The following KHDRBS2 variants were observed in gnomAD, a reference collection of about 807,000 sequenced individuals.
The protein encoded by KHDRBS2 is KH RNA binding domain containing, signal transduction associated 2, also known as KH domain-containing, RNA-binding, signal transduction-associated protein 2.
A neutral mutation model predicts 44.3 loss-of-function variants in KHDRBS2; 26 were observed. The observed-to-expected ratio is 0.59, with a 90% confidence interval of 0.43 to 0.81. The LOEUF (loss-of-function observed/expected upper bound fraction) is 0.81, where lower values mean the gene tolerates loss of function less well. Ranked by LOEUF, KHDRBS2 falls within the 40% of genes least tolerant of loss-of-function variation. The pLI is 0.00. For missense variants in KHDRBS2, 476 were observed against 433.1 expected, an observed-to-expected ratio of 1.10 and a Z score of -0.88; for synonymous variants, 194 against 151.1, an observed-to-expected ratio of 1.28 and a Z score of -2.08.
intron 8 of KHDRBS2, among the ~76,000 whole-genome samples, chr6:61,690,232 A>T (rs1383115068): frequency 6.6e-6 from 1 of 151,908 alleles, no homozygotes; most frequent in East Asian, 1.9e-4. Context: ...AAGTGGGCAA[A>T]ATTTTTCACC....
chr6:61,631,115 T>G, the KHDRBS2 span, among the ~76,000 whole-genome samples: 2 of 151,756 alleles, frequency 1.3e-5, no homozygotes, highest in Non-Finnish European at 2.9e-5. Context: ...AGAAGAGACA[T>G]ATCACTAAGT....
the KHDRBS2 span, among the ~76,000 whole-genome samples, chr6:61,596,477 C>T: frequency 6.6e-6 from 1 of 152,078 alleles, no homozygotes; most frequent in South Asian, 2.1e-4. Flanking sequence ...AGTCCTATAG[C>T]TACTCAGACA....
chr6:61,911,920 ATTC>A (rs1806126207), intron 4 of KHDRBS2, among the ~76,000 whole-genome samples: 1 of 152,068 alleles, frequency 6.6e-6, no homozygotes, highest in South Asian at 2.1e-4. Context: ...TATTCATACT[ATTC>A]TTTCCGAATA....
intron 5 of KHDRBS2, among the ~76,000 whole-genome samples, chr6:61,900,521 G>A (rs9294655): frequency 0.35 from 53,620 of 151,890 alleles, 9,775 homozygotes; most frequent in African/African-American, 0.43. Context: ...TTAAAAGCTT[G>A]AACAATTCAG....
At chr6:61,571,175 C>T in the KHDRBS2 span, among the ~76,000 whole-genome samples, 1 of 152,008 alleles carries the variant, frequency 6.6e-6, no homozygotes, top group Non-Finnish European at 1.5e-5. Flanking sequence ...CTCCAAGAGA[C>T]TCGCCTAATA....
At chr6:62,084,234 A>C (rs757061146) in intron 2 of KHDRBS2, among the ~76,000 whole-genome samples, 9 of 152,296 alleles carry the variant, frequency 5.9e-5, no homozygotes, top group Non-Finnish European at 1.2e-4. Context: ...AAAATGAAGG[A>C]GATGGTTTAA....
At chr6:62,270,004 T>G (rs904850540) in intron 1 of KHDRBS2, among the ~76,000 whole-genome samples, 1 of 152,252 alleles carries the variant, frequency 6.6e-6, no homozygotes, top group African/African-American at 2.4e-5. Flanking sequence ...TCCACTCATA[T>G]GAAGTTGAAG....
intron 2 of KHDRBS2, among the ~76,000 whole-genome samples, chr6:62,064,248 A>C (rs1792894961): frequency 6.8e-6 from 1 of 146,884 alleles, no homozygotes; most frequent in Non-Finnish European, 1.5e-5. Context: ...TCAAGCTACC[A>C]ATGACTTTCT....
At chr6:62,208,747 T>A (rs1446747873) in intron 1 of KHDRBS2, among the ~76,000 whole-genome samples, 2 of 152,226 alleles carry the variant, frequency 1.3e-5, no homozygotes, top group Non-Finnish European at 2.9e-5. Context: ...ACATTTGTTA[T>A]CTCTTGTCAT....
intron 4 of KHDRBS2, among the ~76,000 whole-genome samples, chr6:61,954,813 C>T (rs62644459): frequency 0.29 from 13,265 of 45,796 alleles, 4,537 homozygotes; most frequent in Middle Eastern, 0.54. Context: ...TATACATACG[C>T]ATGTGTATAT....
intron 2 of KHDRBS2, among the ~76,000 whole-genome samples, chr6:62,082,582 T>C (rs1420660059): frequency 2.6e-5 from 4 of 152,132 alleles, no homozygotes; most frequent in African/African-American, 7.2e-5. Context: ...GGTACAAAGA[T>C]AGATATGTGA....
At chr6:61,610,388 C>A in the KHDRBS2 span, among the ~76,000 whole-genome samples, 1 of 152,042 alleles carries the variant, frequency 6.6e-6, no homozygotes, top group Non-Finnish European at 1.5e-5. Flanking sequence ...GAAAATTTAG[C>A]AACTTAAAAT....
intron 3 of KHDRBS2, among the ~76,000 whole-genome samples, chr6:62,007,249 C>G (rs1352486571): frequency 6.6e-6 from 1 of 152,026 alleles, no homozygotes; most frequent in Non-Finnish European, 1.5e-5. Flanking sequence ...TCTGCTTAAC[C>G]TTTATTACTT....
chr6:61,894,184 TGAAA>T (rs1346450845), intron 6 of KHDRBS2, among the ~76,000 whole-genome samples: 2 of 152,172 alleles, frequency 1.3e-5, no homozygotes, highest in Admixed American at 6.5e-5. Context: ...TTTAATATGG[TGAAA>T]GAAAGAGTCA....
chr6:62,048,872 G>A (rs1419988255), intron 2 of KHDRBS2, among the ~76,000 whole-genome samples: 1 of 151,800 alleles, frequency 6.6e-6, no homozygotes, highest in Non-Finnish European at 1.5e-5. Context: ...AAACTATCTT[G>A]GGAACATAAA....
chr6:62,090,272 T>C (rs548938966), intron 2 of KHDRBS2, among the ~76,000 whole-genome samples: 1 of 152,292 alleles, frequency 6.6e-6, no homozygotes, highest in South Asian at 2.1e-4. Flanking sequence ...TTTAATGGGA[T>C]TTATATTTTC....
At chr6:61,663,626 G>A in the KHDRBS2 span, among the ~76,000 whole-genome samples, 2 of 147,322 alleles carry the variant, frequency 1.4e-5, no homozygotes, top group East Asian at 4.2e-4. Context: ...GGTTAAGTCT[G>A]GTAGCAGTAT....
At chr6:62,037,276 A>G (rs1167222217) in intron 3 of KHDRBS2, among the ~76,000 whole-genome samples, 4 of 151,888 alleles carry the variant, frequency 2.6e-5, no homozygotes, top group Non-Finnish European at 5.9e-5. Flanking sequence ...ATACTGCATC[A>G]TTTATATTCC....
intron 2 of KHDRBS2, among the ~76,000 whole-genome samples, chr6:62,128,545 TC>T (rs1024806076): frequency 4.1e-4 from 9 of 22,138 alleles, no homozygotes; most frequent in Non-Finnish European, 9.4e-4. Flanking sequence ...CTTTTAATGA[TC>T]TCTCTCTCTC....
Sources: allele counts gnomAD v4.1 joint callset (sites outside exome capture counted in the v4.1 genomes callset), GRCh38; gene constraint gnomAD v4.1.1; transcripts MANE v1.5; gene names NCBI Gene and HGNC (gene_info 2026-07-23, HGNC 2026-07-21).